Variants in PLEKHA5 observed in about 807,000 individuals in gnomAD.
The protein encoded by PLEKHA5 is pleckstrin homology domain containing A5.
PLEKHA5 carries 55 observed loss-of-function variants against 181.9 expected under a neutral mutation model. The ratio of observed to expected loss-of-function variants is 0.30; its 90% CI spans 0.24 to 0.38. The LOEUF is 0.38. Ranked by LOEUF, PLEKHA5 falls within the 10% of genes least tolerant of loss-of-function variation. The probability of loss-of-function intolerance (pLI) is 1.00; values close to 1 mark genes in which losing one functional copy is unlikely to be tolerated. For missense variants in PLEKHA5, 1,432 were observed against 1,549.5 expected (o/e 0.92, Z 1.27); for synonymous variants, 535 against 529.4 (o/e 1.01, Z -0.15).
rs145989919 is a variant in PLEKHA5 at position 19,172,587 on chromosome 12, G to A, written c.227+40137G>A. Among the ~76,000 whole-genome samples, 498 of 152,214 alleles carry A rather than the reference G, an allele frequency of 3.3e-3. 2 individuals are homozygous for A. Among genetic ancestry groups the A allele is most frequent in the African/African-American group, 0.011 (476 of 41,522 alleles). ...AATTAAAATCACAGTTATATACATC[G>A]CATACCTGTTAGAATGGTTCAAAAC... On this transcript the variant is annotated intron_variant, in intron 3 of 31. Transcript: ENST00000429027.
intron 20 of PLEKHA5, among the ~76,000 whole-genome samples, chr12:19,334,987 A>C (rs1187899575): frequency 7.4e-6 from 1 of 135,918 alleles, no homozygotes; most frequent in African/African-American, 2.6e-5. Context: ...TTTTATGAAA[A>C]AAAAAAAAAA....
intron 20 of PLEKHA5, among the ~76,000 whole-genome samples, chr12:19,327,253 T>TG (rs1401617413): frequency 1.1e-4 from 16 of 150,022 alleles, no homozygotes; most frequent in South Asian, 2.1e-4. Context: ...TTTTGTTTTT[T>TG]TTTTTTTTTT....
At chr12:19,343,268 A>T (rs1173214168) in intron 21 of PLEKHA5, 55 bp from the exon 22 acceptor site, 13 of 948,384 alleles carry the variant, frequency 1.4e-5, no homozygotes, top group Non-Finnish European at 1.6e-5. Context: ...ATAATCATTT[A>T]ACTTCAGTGA....
At chr12:19,210,522 A>G (rs1015361169) in intron 3 of PLEKHA5, among the ~76,000 whole-genome samples, 1 of 152,210 alleles carries the variant, frequency 6.6e-6, no homozygotes, top group Non-Finnish European at 1.5e-5. Context: ...TCTGCTGTCT[A>G]GCACACATCT....
rs189330045 is a variant in PLEKHA5, at chr12:19,268,213, A to T, written c.712-1557A>T. Among the ~76,000 whole-genome samples, 557 of 152,348 alleles carry T rather than the reference A, an allele frequency of 3.7e-3. 3 individuals are homozygous for T. Among genetic ancestry groups the T allele is most frequent in the African/African-American group, 0.013 (534 of 41,574 alleles). ...ACAAAAGTTAACACTTTGAAAATTT[A>T]AAATTATAACTTTATGAAGTACACA... On this transcript the variant is annotated intron_variant, in intron 8 of 31. Transcript: ENST00000429027.
chr12:19,152,927 G>A (rs928274948), intron 3 of PLEKHA5: 1 of 151,510 alleles, frequency 6.6e-6, no homozygotes, highest in Non-Finnish European at 1.5e-5. Flanking sequence ...CATTCCAAGA[G>A]ATCTTTTGAC....
chr12:19,286,797 C>T (rs1414775346), intron 12 of PLEKHA5, among the ~76,000 whole-genome samples: 2 of 151,766 alleles, frequency 1.3e-5, no homozygotes, highest in African/African-American at 4.8e-5. Context: ...GAAACCCCGT[C>T]TCTACTAAAA....
At chr12:19,292,060 A>T (rs1378115965) in intron 15 of PLEKHA5, among the ~76,000 whole-genome samples, 2 of 152,204 alleles carry the variant, frequency 1.3e-5, no homozygotes, top group Non-Finnish European at 2.9e-5. Context: ...GTTGGAAGGC[A>T]AGAAGGAGGG....
intron 25 of PLEKHA5, among the ~76,000 whole-genome samples, chr12:19,353,020 T>C (rs2094694304): frequency 6.6e-6 from 1 of 151,272 alleles, no homozygotes; most frequent in Non-Finnish European, 1.5e-5. Flanking sequence ...AATCCTGAGC[T>C]CAAGTGATCA....
chr12:19,249,964 T>C (rs1251869905), intron 3 of PLEKHA5, among the ~76,000 whole-genome samples: 2 of 152,234 alleles, frequency 1.3e-5, no homozygotes, highest in African/African-American at 4.8e-5. Flanking sequence ...CTGCTGACCT[T>C]TCTGGAGGTT....
At chr12:19,167,405 A>ATTTTTTTTTTTTTTTTTTTTTTTTTTTT (rs56086557) in intron 3 of PLEKHA5, among the ~76,000 whole-genome samples, 11 of 91,230 alleles carry the variant, frequency 1.2e-4, no homozygotes, top group African/African-American at 2.3e-4. Context: ...CTGAGGCTTA[A>ATTTTTTTTTTTTTTTTTTTTTTTTTTTT]TTTTTTTTTT....
chr12:19,336,666 C>A, intron 21 of PLEKHA5, 50 bp downstream of exon 21: 1 of 978,626 alleles, frequency 1.0e-6, no homozygotes, highest in Non-Finnish European at 1.6e-6. Flanking sequence ...TTTACTGGTA[C>A]TGTACAATCC....
chr12:19,147,336 A>G (rs1301187983), intron 3 of PLEKHA5: 1 of 152,230 alleles, frequency 6.6e-6, no homozygotes, highest in Non-Finnish European at 1.5e-5. Flanking sequence ...AGACAGTGGT[A>G]CTAAGGAGAG....
intron 16 of PLEKHA5, among the ~76,000 whole-genome samples, chr12:19,319,379 C>T (rs145115566): frequency 3.4e-3 from 515 of 152,092 alleles, no homozygotes; most frequent in African/African-American, 0.012. Context: ...TATTTTTAAC[C>T]TTCTCCTGAT....
chr12:19,201,830 G>A (rs984499404), intron 3 of PLEKHA5: 1 of 153,024 alleles, frequency 6.5e-6, no homozygotes, highest in East Asian at 1.9e-4. Flanking sequence ...CTGTAAATGG[G>A]ACATGAGGGA....
rs1016511717 is a variant in PLEKHA5, at chr12:19,362,858, C to T, written c.3608+1152C>T. Reference sequence around the variant, plus strand: ...AGCAATTCATCACTGCCTATGCAGTCGGCCCTCCATATTCATGGATTTATG... The same window carrying T: ...AGCAATTCATCACTGCCTATGCAGTTGGCCCTCCATATTCATGGATTTATG... On this transcript the variant is annotated intron_variant, in intron 29 of 31. Coordinates refer to ENST00000429027, the MANE Select transcript of PLEKHA5 (RefSeq NM_001256470.2). Among the ~76,000 whole-genome samples the T allele has an allele frequency of 2.6e-5, 4 of 152,112 alleles. No individual in the cohort carries two copies. The East Asian group carries it at 5.8e-4, about 22-fold the overall frequency.
intron 3 of PLEKHA5, among the ~76,000 whole-genome samples, chr12:19,157,766 CAGGTGGGTCAGCATTCTACCCAAAA>C (rs2042094220): frequency 2.0e-5 from 3 of 152,112 alleles, no homozygotes; most frequent in Admixed American, 2.0e-4. Flanking sequence ...AAGTTTGAAT[CAGGTGGGTCAGCATTCTACCCAAAA>C]AGATTTTTTA....
chr12:19,298,779 T>C (rs1315705375), intron 15 of PLEKHA5, among the ~76,000 whole-genome samples: 1 of 152,186 alleles, frequency 6.6e-6, no homozygotes, highest in East Asian at 1.9e-4. Context: ...ACGTTGGTCA[T>C]GTCACAAGCA....
chr12:19,140,095 T>C (rs752778026), intron 3 of PLEKHA5, among the ~76,000 whole-genome samples: 12 of 152,204 alleles, frequency 7.9e-5, no homozygotes, highest in Admixed American at 1.3e-4. Flanking sequence ...AACTCATAGT[T>C]GTGTGCCTTA....
Sources: allele counts gnomAD v4.1 joint callset (sites outside exome capture counted in the v4.1 genomes callset), GRCh38; gene constraint gnomAD v4.1.1; transcripts MANE v1.5; gene names NCBI Gene and HGNC (gene_info 2026-07-23, HGNC 2026-07-21).